CCDC30: variants seen among roughly 807,000 people sequenced by gnomAD.
CCDC30 encodes coiled-coil domain-containing protein 30.
CCDC30 carries 70 observed loss-of-function variants against 100.2 expected under a neutral mutation model. That is an observed-to-expected ratio of 0.70 (90% CI 0.58 to 0.85). The LOEUF is 0.85. CCDC30 is among the 40% of genes least tolerant of loss of function. The pLI is 0.00. For synonymous variants in CCDC30, 233 were observed against 269.5 expected (o/e 0.86, Z 1.33); for missense variants, 652 against 771.2 (o/e 0.85, Z 1.83).
intron 7 of CCDC30, chr1:42,569,001 G>C (rs951877724): frequency 4.0e-5 from 6 of 150,764 alleles, no homozygotes; most frequent in Non-Finnish European, 8.8e-5. Context: ...GCTAATGTTA[G>C]GCATACTTAT....
chr1:42,654,226 T>C (rs539346580), downstream of CCDC30: 189 of 557,754 alleles, frequency 3.4e-4, 1 homozygote, highest in African/African-American at 3.4e-3. Context: ...AGATGCCTTG[T>C]ATTGACCAAA....
intron 4 of CCDC30, among the ~76,000 whole-genome samples, chr1:42,490,735 A>T (rs1366260765): frequency 6.6e-6 from 1 of 152,126 alleles, no homozygotes; most frequent in Non-Finnish European, 1.5e-5. Context: ...TATTTCTTAG[A>T]TAAGCAAACT....
At chr1:42,566,255 T>G (rs753379542) in intron 6 of CCDC30, 41 bp from the exon 11 acceptor site, 4 of 1,497,120 alleles carry the variant, frequency 2.7e-6, no homozygotes, top group Non-Finnish European at 3.7e-6. Flanking sequence ...CCAATATTCT[T>G]TCCAATTGTC....
intron 6 of CCDC30, among the ~76,000 whole-genome samples, chr1:42,546,404 A>ACACG (rs1264099448): frequency 4.6e-4 from 1 of 2,152 alleles, no homozygotes; most frequent in Admixed American, 4.8e-3. Context: ...AAAAAAATAT[A>ACACG]TATATATATA....
downstream of CCDC30, chr1:42,654,409 C>T (rs1258490658): frequency 5.3e-6 from 1 of 189,638 alleles, no homozygotes; most frequent in African/African-American, 2.4e-5. Context: ...CCCTCCTATG[C>T]TGGGCGTGGT....
chr1:42,579,829 C>G (rs1302916745), intron 8 of CCDC30, among the ~76,000 whole-genome samples: 1 of 151,530 alleles, frequency 6.6e-6, no homozygotes, highest in Non-Finnish European at 1.5e-5. Flanking sequence ...GACCCTATCT[C>G]TACAAAAATA....
intron 6 of CCDC30, among the ~76,000 whole-genome samples, chr1:42,502,434 A>T (rs1185348736): frequency 6.6e-6 from 1 of 152,166 alleles, no homozygotes; most frequent in Non-Finnish European, 1.5e-5. Context: ...CCCGGGTGAG[A>T]AGATGCCCCG....
intron 12 of CCDC30, 112 bp from the exon 17 acceptor site, chr1:42,642,360 GA>G (rs933912680): frequency 5.3e-4 from 475 of 903,632 alleles, no homozygotes; most frequent in South Asian, 8.1e-4. Flanking sequence ...TAGGGGACAG[GA>G]AAAAAAAAGT....
At chr1:42,558,395 A>T (rs536233010) in intron 6 of CCDC30, 3 of 153,042 alleles carry the variant, frequency 2.0e-5, no homozygotes, top group South Asian at 2.0e-4. Flanking sequence ...ATGGAAAATG[A>T]AGACAGTTAA....
intron 11 of CCDC30, among the ~76,000 whole-genome samples, chr1:42,636,355 A>G (rs6696175): frequency 0.16 from 23,895 of 152,024 alleles, 2,103 homozygotes; most frequent in South Asian, 0.31. Flanking sequence ...GTAGTGAGCC[A>G]TGATTGTACC....
At chr1:42,476,327 A>G (rs1273675396) in intron 1 of CCDC30, among the ~76,000 whole-genome samples, 1 of 152,216 alleles carries the variant, frequency 6.6e-6, no homozygotes, top group Non-Finnish European at 1.5e-5. Flanking sequence ...CTTCACTAGC[A>G]TATTAAGGAC....
intron 15 of CCDC30, among the ~76,000 whole-genome samples, chr1:42,650,775 C>T (rs1025520904): frequency 2.0e-5 from 3 of 151,850 alleles, no homozygotes; most frequent in African/African-American, 7.3e-5. Context: ...CATAGGTGCA[C>T]GCCATCACAC....
rs1464205684 is a variant in CCDC30 at position 42,564,781 on chromosome 1, C to G, written c.457-1515C>G. Among the ~76,000 whole-genome samples the G allele has an allele frequency of 2.0e-5, 3 of 152,070 alleles. No homozygotes were observed. The East Asian group carries it at 5.8e-4, about 29-fold the overall frequency. On this transcript the variant is annotated intron_variant, in intron 6 of 16. Transcript: ENST00000668663. Reference sequence around the variant, plus strand: ...ACTATGTACATATCCAGAATTTATCCTGTCTATCTGAAACTTTGCACCCTT... The same window carrying G: ...ACTATGTACATATCCAGAATTTATCGTGTCTATCTGAAACTTTGCACCCTT...
At chr1:42,492,046 C>A in intron 4 of CCDC30, 1 of 463,516 alleles carries the variant, frequency 2.2e-6, no homozygotes, top group Non-Finnish European at 4.0e-6. Context: ...CATGGATTTA[C>A]CCCTGACGAA....
chr1:42,525,168 G>A (rs957585696), intron 6 of CCDC30, among the ~76,000 whole-genome samples: 1 of 152,050 alleles, frequency 6.6e-6, no homozygotes, highest in Admixed American at 6.6e-5. Flanking sequence ...TGAGCTTCTA[G>A]ATTCTGTGAG....
At chr1:42,489,589 A>G (rs1265806013) in intron 3 of CCDC30, among the ~76,000 whole-genome samples, 1 of 152,188 alleles carries the variant, frequency 6.6e-6, no homozygotes, top group African/African-American at 2.4e-5. Flanking sequence ...TCCACTAGCA[A>G]TATCGCTGGT....
chr1:42,480,152 TATG>T (rs995284450), intron 1 of CCDC30, among the ~76,000 whole-genome samples: 1 of 152,196 alleles, frequency 6.6e-6, no homozygotes, highest in African/African-American at 2.4e-5. Context: ...GTTTGATAGA[TATG>T]ATCTGTAATT....
At chr1:42,585,392 G>C (rs1160639341) in intron 9 of CCDC30, among the ~76,000 whole-genome samples, 1 of 152,006 alleles carries the variant, frequency 6.6e-6, no homozygotes, top group African/African-American at 2.4e-5. Context: ...GAGCCATTGT[G>C]CCTGGCCACA....
intron 8 of CCDC30, chr1:42,581,110 G>C: frequency 2.6e-6 from 1 of 389,328 alleles, no homozygotes; most frequent in Non-Finnish European, 4.8e-6. Context: ...CACAGTTCTG[G>C]GATTACAGGC....
Sources: gnomAD v4.1 joint callset for allele counts (sites outside exome capture counted in the v4.1 genomes callset) on GRCh38, gnomAD v4.1.1 for gene constraint, MANE v1.5 for transcripts, NCBI Gene and HGNC (gene_info 2026-07-23, HGNC 2026-07-21) for gene names.